ASPH: variants seen among roughly 807,000 people sequenced by gnomAD.
ASPH encodes aspartyl/asparaginyl beta-hydroxylase.
In ASPH, 100 loss-of-function variants were observed where a neutral mutation model predicts 118.4. That is an observed-to-expected ratio of 0.84 (90% CI 0.72 to 1.00). ASPH has a LOEUF of 1.00. ASPH is among the 50% of genes least tolerant of loss of function. ASPH has a pLI of 0.00. For synonymous variants in ASPH, 315 were observed against 325.6 expected, an observed-to-expected ratio of 0.97 and a Z score of 0.35; for missense variants, 920 against 919.5, an observed-to-expected ratio of 1.00 and a Z score of -0.01.
chr8:61,634,791 G>A (rs183445545), intron 12 of ASPH, among the ~76,000 whole-genome samples: 27 of 151,914 alleles, frequency 1.8e-4, no homozygotes, highest in Non-Finnish European at 2.8e-4. Context: ...GTTATTCTAC[G>A]CTCAAAATAT....
chr8:61,580,547 C>G (rs1837192385), intron 15 of ASPH, among the ~76,000 whole-genome samples: 1 of 152,292 alleles, frequency 6.6e-6, no homozygotes, highest in East Asian at 1.9e-4. Flanking sequence ...TGTTCTCTCG[C>G]AGTTTTGCAG....
In ASPH at chr8:61,638,944, AT is replaced by A. The variant is rs1859186222; in HGVS notation, c.791-582del. On this transcript the variant is annotated intron_variant, in intron 10 of 24. Coordinates refer to ENST00000379454, the MANE Select transcript of ASPH (RefSeq NM_004318.4). ...AACCTGATCTTCCAAAATACCTCCA[AT>A]TTTCTGGCACACTACAAGAAAACAT... is the stretch of plus-strand genomic sequence containing the variant. Among the ~76,000 whole-genome samples the A allele has an allele frequency of 2.0e-5, 3 of 151,944 alleles. No homozygotes were observed. In the South Asian group the frequency reaches 6.2e-4, roughly 32 times the overall value.
At chr8:61,624,576 G>A (rs1195903261) in intron 13 of ASPH, 6 of 981,702 alleles carry the variant, frequency 6.1e-6, no homozygotes, top group South Asian at 4.7e-5. Flanking sequence ...ACATTTAATA[G>A]AAGACATTTA....
intron 21 of ASPH, among the ~76,000 whole-genome samples, chr8:61,535,187 T>A (rs1205359354): frequency 6.6e-6 from 1 of 152,186 alleles, no homozygotes; most frequent in East Asian, 1.9e-4. Flanking sequence ...AATTTCAGAG[T>A]AGGAATTGTG....
intron 17 of ASPH, among the ~76,000 whole-genome samples, chr8:61,563,672 C>G (rs1408490669): frequency 6.6e-6 from 1 of 152,220 alleles, no homozygotes; most frequent in Non-Finnish European, 1.5e-5. Context: ...CATCCGACGG[C>G]CTATGCCCCA....
At chr8:61,587,265 TTA>T (rs1839755721) in intron 14 of ASPH, among the ~76,000 whole-genome samples, 2 of 152,220 alleles carry the variant, frequency 1.3e-5, no homozygotes, top group Admixed American at 1.3e-4. Flanking sequence ...CTGCATGCCA[TTA>T]TATGTTACCA....
At chr8:61,646,941 G>A (rs1808344410) in intron 5 of ASPH, 63 bp from the exon 6 acceptor site, 1 of 1,603,986 alleles carries the variant, frequency 6.2e-7, no homozygotes, top group African/African-American at 1.3e-5. Flanking sequence ...CCCTTGTGAA[G>A]GGCTGCCACA....
At chr8:61,674,408 CAG>C (rs1824199617) in intron 3 of ASPH, among the ~76,000 whole-genome samples, 1 of 152,206 alleles carries the variant, frequency 6.6e-6, no homozygotes, top group Non-Finnish European at 1.5e-5. Flanking sequence ...TATTTGGAAA[CAG>C]AAGCTTTAAC....
At chr8:61,576,891 A>C in intron 15 of ASPH, 33 bp from the exon 16 acceptor site, 1 of 1,522,864 alleles carries the variant, frequency 6.6e-7, no homozygotes, top group Non-Finnish European at 9.0e-7. Flanking sequence ...TAAATAAAAT[A>C]AATTAAAATG....
intron 21 of ASPH, among the ~76,000 whole-genome samples, chr8:61,527,104 G>A (rs1243278367): frequency 1.3e-5 from 2 of 152,138 alleles, no homozygotes; most frequent in Non-Finnish European, 2.9e-5. Context: ...CAAGAATCAG[G>A]GGCAGATCTA....
chr8:61,712,183 G>T (rs1448798846), intron 1 of ASPH, among the ~76,000 whole-genome samples: 5 of 152,192 alleles, frequency 3.3e-5, no homozygotes. Context: ...CTCACAGTAT[G>T]ACACTGCTAA....
chr8:61,568,276 T>A (rs1832415360), intron 16 of ASPH, among the ~76,000 whole-genome samples: 2 of 152,214 alleles, frequency 1.3e-5, no homozygotes, highest in Non-Finnish European at 1.5e-5. Flanking sequence ...TGGCTTGGAC[T>A]AAGGTAGCAG....
chr8:61,664,841 A>G, intron 3 of ASPH: 1 of 989,696 alleles, frequency 1.0e-6, no homozygotes, highest in Non-Finnish European at 1.2e-6. Flanking sequence ...GAGGGAAGAA[A>G]ACAACGAGCA....
At chr8:61,665,418 C>G (rs375532445) in intron 3 of ASPH, 1 of 1,609,110 alleles carries the variant, frequency 6.2e-7, no homozygotes, top group African/African-American at 1.3e-5. Context: ...TTTTCTAGGT[C>G]CACTTTCTCT....
intron 16 of ASPH, among the ~76,000 whole-genome samples, chr8:61,573,474 C>T (rs1224141083): frequency 2.6e-5 from 4 of 152,172 alleles, no homozygotes; most frequent in African/African-American, 9.7e-5. Flanking sequence ...CACTACAAGG[C>T]TATAGTAACC....
intron 1 of ASPH, chr8:61,684,496 G>A: frequency 4.6e-6 from 1 of 217,460 alleles, no homozygotes; most frequent in South Asian, 1.4e-4. Flanking sequence ...TCTTTCCAAA[G>A]GCAGAGCACA....
chr8:61,690,456 A>G (rs1832297133), intron 1 of ASPH, among the ~76,000 whole-genome samples: 2 of 152,128 alleles, frequency 1.3e-5, no homozygotes, highest in Admixed American at 1.3e-4. Flanking sequence ...CCTGGGAAAG[A>G]TCATCTTGAA....
Position 61,517,542 on chromosome 8 carries a change from A to T in ASPH, c.2112T>A (p.Cys704Ter), listed in dbSNP as rs1182948381. 1.9e-6 allele frequency: 3 copies of T among 1,614,118 alleles called. No homozygotes were observed. The highest frequency in any genetic ancestry group is 2.5e-6 in the Non-Finnish European group (3 of 1,179,952). The change falls in exon 24 of 25, where the codon TGT becomes TGA. Residue 704 changes from cysteine to a stop codon, truncating the protein, a stop_gained. Transcript: ENST00000379454. LOFTEE classifies it high-confidence loss of function. ...AGGACCCATACTTGGTCTCGTTGGC[A>T]CATCGAATCTTGCAGCCTTCCTTGG... ...VIPKEGCKIR[C>*]ANETKTWEEG...
chr8:61,543,019 T>C (rs760291969), intron 21 of ASPH, among the ~76,000 whole-genome samples: 2 of 152,206 alleles, frequency 1.3e-5, no homozygotes, highest in Non-Finnish European at 2.9e-5. Context: ...TTTATTTGAT[T>C]GTCAATTTGA....
Sources: allele counts gnomAD v4.1 joint callset (sites outside exome capture counted in the v4.1 genomes callset), GRCh38; gene constraint gnomAD v4.1.1; transcripts MANE v1.5; gene names NCBI Gene and HGNC (gene_info 2026-07-23, HGNC 2026-07-21).